The following CUTC variants were observed in gnomAD, a reference collection of about 807,000 sequenced individuals.
CUTC encodes copper homeostasis protein cutC homolog.
CUTC carries 27 observed loss-of-function variants against 36.2 expected under a neutral mutation model. That is an observed-to-expected ratio of 0.75 (90% CI 0.55 to 1.03). The LOEUF is 1.03. Ranked by LOEUF, CUTC falls within the 50% of genes least tolerant of loss-of-function variation. The pLI is 0.00. For synonymous variants in CUTC, 114 were observed against 118.3 expected, an observed-to-expected ratio of 0.96 and a Z score of 0.24; for missense variants, 315 against 343.5, an observed-to-expected ratio of 0.92 and a Z score of 0.66.
At chr10:99,737,621 G>A (rs1022602334) in intron 2 of CUTC, among the ~76,000 whole-genome samples, 1 of 152,102 alleles carries the variant, frequency 6.6e-6, no homozygotes, top group Non-Finnish European at 1.5e-5. Flanking sequence ...TTTTAAATGG[G>A]TGAATTGTAT....
intron 2 of CUTC, among the ~76,000 whole-genome samples, chr10:99,736,960 T>C (rs1347452523): frequency 9.9e-5 from 15 of 152,114 alleles, no homozygotes; most frequent in Non-Finnish European, 2.2e-4. Flanking sequence ...CTTATTTTAT[T>C]TTTAAATCTT....
At chr10:99,739,547 A>T (rs963259172) in intron 2 of CUTC, among the ~76,000 whole-genome samples, 163 bp from the exon 3 acceptor site, 2 of 152,234 alleles carry the variant, frequency 1.3e-5, no homozygotes, top group African/African-American at 4.8e-5. Flanking sequence ...GCTGCAGAGT[A>T]TAGCTGAGTT....
intron 1 of CUTC, among the ~76,000 whole-genome samples, chr10:99,734,889 G>C (rs529599058): frequency 6.6e-6 from 1 of 152,158 alleles, no homozygotes; most frequent in East Asian, 1.9e-4. Context: ...GATCGCTTGA[G>C]TGCAGGAGTT....
In CUTC at chr10:99,754,651, C is replaced by T. The variant is rs74152752; in HGVS notation, c.707+17C>T. 2.7e-4 allele frequency: 411 copies of T among 1,536,656 alleles called. 2 individuals are homozygous for T. In the African/African-American group the frequency reaches 5.0e-3, roughly 19 times the overall value. The stretch of plus-strand genomic sequence containing the variant: ...GAAGTTTCGGTAAAAATGTATTCTT[C>T]GATTCAAATAAGAAGGATGAGATTA... On this transcript the variant is annotated intron_variant, in intron 8 of 8. Transcript: ENST00000370476.
chr10:99,733,259 A>C (rs929215229), intron 1 of CUTC, among the ~76,000 whole-genome samples: 15 of 152,258 alleles, frequency 9.9e-5, no homozygotes, highest in Non-Finnish European at 1.5e-4. Flanking sequence ...CAGTAAGCCG[A>C]GATCGCGCCA....
chr10:99,745,038 A>G (rs144585005), intron 5 of CUTC, among the ~76,000 whole-genome samples: 2,033 of 152,350 alleles, frequency 0.013, 52 homozygotes, highest in African/African-American at 0.046. Context: ...GGCGTGAGCC[A>G]CCACCCCTGG....
In CUTC at chr10:99,741,433, C is replaced by G. The variant is rs75893910; in HGVS notation, c.193+1664C>G. Among the ~76,000 whole-genome samples the G allele has an allele frequency of 2.1e-3, 313 of 152,316 alleles. 2 individuals carry two copies. The highest frequency in any genetic ancestry group is 7.4e-3 in the African/African-American group (307 of 41,580). ...CTTGCGTAGTTTCTTTGCATGCATG[C>G]ACCGGTCAGTACTCAGCTGAATATT... On this transcript the variant is annotated intron_variant, in intron 3 of 8. Coordinates refer to ENST00000370476, the MANE Select transcript of CUTC (RefSeq NM_015960.3).
chr10:99,747,670 GTTTT>G (rs944178694), intron 6 of CUTC, among the ~76,000 whole-genome samples: 25 of 152,032 alleles, frequency 1.6e-4, no homozygotes, highest in Non-Finnish European at 2.9e-4. Context: ...GGGCATTGCA[GTTTT>G]TTTTACTTTT....
chr10:99,744,205 C>G, intron 5 of CUTC, 133 bp downstream of exon 5: 1 of 661,558 alleles, frequency 1.5e-6, no homozygotes, highest in Non-Finnish European at 2.5e-6. Context: ...GATCCTAGGA[C>G]TAAAAGTTAT....
At position 99,736,906 on chromosome 10, in the gene CUTC, G is replaced by GTA. The variant is rs2037301473; in HGVS notation, c.133+597_133+598dup. Reference sequence around the variant, plus strand: ...AACTTTTTCTGTGAAGAGCTGCATAGTATATATATTTTCAGCCTTGCTGGA... The same window carrying GTA: ...AACTTTTTCTGTGAAGAGCTGCATAGTATATATATATTTTCAGCCTTGCTGGA... On this transcript the variant is annotated intron_variant, in intron 2 of 8. Transcript: ENST00000370476. Among the ~76,000 whole-genome samples the GTA allele has an allele frequency of 2.0e-5, 3 of 152,150 alleles. No homozygotes were observed. In the South Asian group the frequency reaches 6.2e-4, roughly 31 times the overall value.
At chr10:99,742,850 G>A (rs962870464) in intron 3 of CUTC, among the ~76,000 whole-genome samples, 56 of 152,264 alleles carry the variant, frequency 3.7e-4, no homozygotes, top group African/African-American at 1.3e-3. Flanking sequence ...GGGGAATAAT[G>A]TACTGGCAGA....
chr10:99,732,242 C>G lies in CUTC; in HGVS notation c.-107C>G. 6.6e-7 allele frequency: 1 copy of G among 1,526,266 alleles called. No individual in the cohort carries two copies. The highest frequency in any genetic ancestry group is 8.8e-7 in the Non-Finnish European group (1 of 1,135,946). 94.5% of individuals were successfully genotyped at this position (1,526,266 alleles called of 1,614,324 possible). On this transcript the variant is annotated 5_prime_UTR_variant, in exon 1 of 9. Coordinates refer to ENST00000370476, the MANE Select transcript of CUTC (RefSeq NM_015960.3). ...GCTGCTGGGGCGTAGGTGTCGGGGA[C>G]GCGCGCACGGGCGCGCGCAGCTGTT...
At chr10:99,733,757 T>G (rs1003693581) in intron 1 of CUTC, among the ~76,000 whole-genome samples, 1 of 152,180 alleles carries the variant, frequency 6.6e-6, no homozygotes, top group Non-Finnish European at 1.5e-5. Flanking sequence ...CTCCCAAAGC[T>G]CTCTGGACTA....
At chr10:99,735,567 C>T (rs2037290586) in intron 1 of CUTC, among the ~76,000 whole-genome samples, 1 of 152,200 alleles carries the variant, frequency 6.6e-6, no homozygotes, top group African/African-American at 2.4e-5. Flanking sequence ...GCCACGATGC[C>T]TGGCTAATTT....
intron 6 of CUTC, 93 bp downstream of exon 6, chr10:99,747,483 T>C (rs892789051): frequency 2.4e-5 from 34 of 1,433,270 alleles, no homozygotes; most frequent in Non-Finnish European, 3.3e-5. Flanking sequence ...TATATATTAC[T>C]GACTTTGTGG....
intron 7 of CUTC, among the ~76,000 whole-genome samples, chr10:99,751,439 G>C (rs1312779467): frequency 6.6e-6 from 1 of 152,164 alleles, no homozygotes; most frequent in African/African-American, 2.4e-5. Context: ...CGATCCTCCT[G>C]CCTCAGCCAC....
At chr10:99,732,539 T>C in intron 1 of CUTC, 130 bp downstream of exon 1, 1 of 1,479,922 alleles carries the variant, frequency 6.8e-7, no homozygotes, top group East Asian at 2.5e-5. Context: ...GGGCGGCACC[T>C]TCTATCTTTG....
intron 6 of CUTC, 110 bp downstream of exon 6, chr10:99,747,500 T>C: frequency 7.9e-7 from 1 of 1,269,556 alleles, no homozygotes; most frequent in Non-Finnish European, 1.1e-6. Context: ...GTGGTTACTC[T>C]GTAGGAAAAG....
intron 1 of CUTC, 152 bp downstream of exon 1, chr10:99,732,561 G>A: frequency 6.9e-7 from 1 of 1,448,682 alleles, no homozygotes; most frequent in Non-Finnish European, 9.1e-7. Context: ...GGCGTTAAAG[G>A]TGTGGAAACG....
Sources: gnomAD v4.1 joint callset for allele counts (sites outside exome capture counted in the v4.1 genomes callset) on GRCh38, gnomAD v4.1.1 for gene constraint, MANE v1.5 for transcripts, NCBI Gene and HGNC (gene_info 2026-07-23, HGNC 2026-07-21) for gene names.